MKI67: variants seen among roughly 807,000 people sequenced by gnomAD.
MKI67 encodes proliferation marker protein Ki-67.
A neutral mutation model predicts 233.5 loss-of-function variants in MKI67; 152 were observed. The ratio of observed to expected loss-of-function variants is 0.65; its 90% CI spans 0.57 to 0.74. The LOEUF (loss-of-function observed/expected upper bound fraction) is 0.74. Ranked by LOEUF, MKI67 falls within the 30% of genes least tolerant of loss-of-function variation. The probability of loss-of-function intolerance (pLI) is 0.00; values close to 1 mark genes in which losing one functional copy is unlikely to be tolerated. For synonymous variants in MKI67, 1,465 were observed against 1,418.5 expected (o/e 1.03, Z -0.74); for missense variants, 3,940 against 3,885.2 (o/e 1.01, Z -0.37).
rs768327792 is a variant in MKI67, at chr10:128,104,891, C to G, written c.6949G>C (p.Ala2317Pro). ...GTCTGGAAGAGCTCTTTGAAGCCAG[C>G]CAGGTCTTCTAGAGCCTGGGCCTTT... ...KEKAQALEDL[A>P]GFKELFQTPG... Residue 2317 changes from alanine to proline, a missense_variant, in exon 13 of 15, where the codon GCT becomes CCT. Coordinates refer to ENST00000368654, the MANE Select transcript of MKI67 (RefSeq NM_002417.5). The G allele has an allele frequency of 6.2e-7, 1 of 1,611,736 alleles. No homozygotes were observed. The highest frequency in any genetic ancestry group is 1.7e-5 in the Admixed American group (1 of 59,736).
Position 128,104,814 on chromosome 10 carries a change from G to C in MKI67, c.7026C>G (p.Cys2342Trp). 1 of 1,613,586 alleles carries C rather than the reference G, an allele frequency of 6.2e-7. No individual in the cohort carries two copies. The highest frequency in any genetic ancestry group is 1.7e-5 in the Admixed American group (1 of 59,948). Reference protein sequence around the residue: ...TTDEKTTKIACKSPQPDPVDT... With the variant: ...TTDEKTTKIAWKSPQPDPVDT... The stretch of plus-strand genomic sequence containing the variant: ...CCACTGGGTCTGGTTGTGGAGATTT[G>C]CAGGCTATTTTGGTAGTTTTCTCAT... The change falls in exon 13 of 15, where the codon TGC becomes TGG. Residue 2342 changes from cysteine to tryptophan, a missense_variant. Physicochemically the swap from Cys to Trp is radical, Grantham distance 215. Transcript: ENST00000368654.
In MKI67 at chr10:128,106,941, G is replaced by C. The variant is rs1852514217; in HGVS notation, c.4899C>G (p.Leu1633=). Residue 1633 remains leucine, a synonymous_variant, in exon 13 of 15, where the codon CTC becomes CTG. Transcript: ENST00000368654. ...CGCCCACTTTCCCCAGGGATGTCTT[G>C]AGCCGTCGCTTGGAGCTTGCTGGGT... ...DKNPASSKRR[L]KTSLGKVGVK... The C allele has an allele frequency of 1.2e-6, 2 of 1,614,044 alleles. No homozygotes were observed. The highest frequency in any genetic ancestry group is 1.3e-5 in the African/African-American group (1 of 74,890).
In MKI67 at chr10:128,107,995, A is replaced by C; in HGVS notation, c.3845T>G (p.Leu1282Arg). Residue 1282 changes from leucine (L) to arginine (R), a missense_variant, in exon 13 of 15, where the codon CTC (leucine) becomes CGC (arginine). Coordinates refer to ENST00000368654, the MANE Select transcript of MKI67 (RefSeq NM_002417.5). Reference sequence around the variant, plus strand: ...TGGCATTAGATTCCTGCACGCTAAGAGTTCTCCCTCTACATCTGCTTTCCT... The same window carrying C: ...TGGCATTAGATTCCTGCACGCTAAGCGTTCTCCCTCTACATCTGCTTTCCT... ...SIRKADVEGE[L>R]LACRNLMPSA... 1 of 1,613,404 alleles carries C rather than the reference A, an allele frequency of 6.2e-7. No individual in the cohort carries two copies. Among genetic ancestry groups the C allele is most frequent in the Non-Finnish European group, 8.5e-7 (1 of 1,179,906 alleles).
chr10:128,111,533 T>TGG, intron 11 of MKI67, 112 bp downstream of exon 11: 2 of 999,052 alleles, frequency 2.0e-6, no homozygotes, highest in Non-Finnish European at 2.9e-6. Flanking sequence ...GATTGAGTCG[T>TGG]TTATTTTATA....
chr10:128,111,845 G>A (rs757035773), intron 10 of MKI67, 29 bp from the exon 11 acceptor site: 1 of 1,610,666 alleles, frequency 6.2e-7, no homozygotes, highest in Non-Finnish European at 8.5e-7. Context: ...AGGTAAACAG[G>A]ACATTAAAGC....
intron 4 of MKI67, among the ~76,000 whole-genome samples, chr10:128,119,883 A>G (rs936800335): frequency 6.6e-5 from 10 of 152,226 alleles, no homozygotes; most frequent in Non-Finnish European, 1.5e-4. Context: ...TAAGAAGATC[A>G]CCTTTAGCAA....
At chr10:128,110,348 A>G (rs771446523) in intron 12 of MKI67, 30 bp downstream of exon 12, 1 of 1,510,254 alleles carries the variant, frequency 6.6e-7, no homozygotes, top group Non-Finnish European at 9.0e-7. Context: ...ATCCCAAAAC[A>G]TCACAGTGTT....
chr10:128,110,434 T>A lies in MKI67; in HGVS notation c.2360A>T (p.Gln787Leu). Residue 787 changes from glutamine (Q) to leucine (L), a missense_variant, in exon 12 of 15, where the codon CAG becomes CTG. By Grantham distance (113) the Gln-to-Leu change is moderately radical. Coordinates refer to ENST00000368654, the MANE Select transcript of MKI67 (RefSeq NM_002417.5). ...TTCTCCTGAATCAGTTCCTTGAAACTGTTTTCCAAGCAAATTCTCTGAATT... is the reference window on the plus strand; with the variant it reads ...TTCTCCTGAATCAGTTCCTTGAAACAGTTTTCCAAGCAAATTCTCTGAATT... ...ISNSENLLGK[Q>L]FQGTDSGEEP... 2 of 1,590,198 alleles carry A rather than the reference T, an allele frequency of 1.3e-6. No individual in the cohort carries two copies. Among genetic ancestry groups the A allele is most frequent in the Non-Finnish European group, 1.7e-6 (2 of 1,160,876 alleles).
chr10:128,116,602 G>T, intron 5 of MKI67, 66 bp from the exon 6 acceptor site: 1 of 1,426,018 alleles, frequency 7.0e-7, no homozygotes. Context: ...TCACAACAGT[G>T]AAAATATTAT....
rs200474504 is a variant in MKI67, at chr10:128,107,686, G to T, written c.4154C>A (p.Thr1385Lys). 1 of 1,613,950 alleles carries T rather than the reference G, an allele frequency of 6.2e-7. No homozygotes were observed. The highest frequency in any genetic ancestry group is 1.3e-5 in the African/African-American group (1 of 74,948). Residue 1385 changes from threonine (T) to lysine (K), a missense_variant, in exon 13 of 15, where the codon ACA (threonine) becomes AAA (lysine). Coordinates refer to ENST00000368654, the MANE Select transcript of MKI67 (RefSeq NM_002417.5). ...SSPPESADTP[T>K]STRRQPKTPL... ...TGTCTTGGGCTGCCTTCTTGTGCTT[G>T]TTGGGGTGTCTGCTGATTCTGGTGG...
At position 128,109,369 on chromosome 10, in the gene MKI67, C is replaced by A; in HGVS notation, c.2471G>T (p.Cys824Phe). ...QNAAKQPSDK[C>F]SASPPLRRQC... ...CCGTCTTAAGGGAGGGCTTGCAGAG[C>A]ATTTATCAGATGGCTGTTTTGCTGC... Residue 824 changes from cysteine (C) to phenylalanine (F), a missense_variant, in exon 13 of 15, where the codon TGC (cysteine) becomes TTC (phenylalanine). By Grantham distance (205) the Cys-to-Phe change is radical. Transcript: ENST00000368654. 1 of 1,614,150 alleles carries A rather than the reference C, an allele frequency of 6.2e-7. No homozygotes were observed. The highest frequency in any genetic ancestry group is 8.5e-7 in the Non-Finnish European group (1 of 1,180,004).
At chr10:128,109,535 G>A in intron 12 of MKI67, 112 bp from the exon 13 acceptor site, 1 of 1,150,490 alleles carries the variant, frequency 8.7e-7, no homozygotes, top group East Asian at 2.5e-5. Flanking sequence ...CGTATTCACT[G>A]AACGACATGA....
chr10:128,124,409 T>C (rs1853014180), intron 2 of MKI67, among the ~76,000 whole-genome samples: 1 of 152,184 alleles, frequency 6.6e-6, no homozygotes, highest in Admixed American at 6.5e-5. Flanking sequence ...ATGCCCACCC[T>C]GACCTCTCCT....
rs1852456320 is a variant in MKI67, at chr10:128,105,310, C to T, written c.6530G>A (p.Ser2177Asn). Residue 2177 changes from serine to asparagine, a missense_variant, in exon 13 of 15, where the codon AGC becomes AAC. Coordinates refer to ENST00000368654, the MANE Select transcript of MKI67 (RefSeq NM_002417.5). The stretch of plus-strand genomic sequence containing the variant: ...CTTAGGAGTTCTTGGCTGCCTCTTG[C>T]TACCAGTTACACTTGCTGCTGGGTC... ...KLDPAASVTG[S>N]KRQPRTPKGK... The T allele has an allele frequency of 3.7e-6, 6 of 1,614,002 alleles. No individual in the cohort carries two copies. Among genetic ancestry groups the T allele is most frequent in the Non-Finnish European group, 3.4e-6 (4 of 1,180,038 alleles).
intron 4 of MKI67, among the ~76,000 whole-genome samples, chr10:128,121,399 T>C (rs1429483702): frequency 1.4e-5 from 2 of 143,188 alleles, no homozygotes; most frequent in East Asian, 1.9e-4. Context: ...ATATATTGTA[T>C]ATATATTGTA....
Position 128,104,561 on chromosome 10 carries a change from G to C in MKI67, c.7279C>G (p.Pro2427Ala). 6.2e-7 allele frequency: 1 copy of C among 1,614,098 alleles called. No homozygotes were observed. Among genetic ancestry groups the C allele is most frequent in the Non-Finnish European group, 8.5e-7 (1 of 1,180,014 alleles). Reference sequence around the variant, plus strand: ...TCTAGAGCCTCAGCCTTTTCCTTAGGAGTCTGTGGCTGTCTCTTGCTGCCA... The same window carrying C: ...TCTAGAGCCTCAGCCTTTTCCTTAGCAGTCTGTGGCTGTCTCTTGCTGCCA... Reference protein sequence around the residue: ...LPGSKRQPQTPKEKAEALEDL... With the variant: ...LPGSKRQPQTAKEKAEALEDL... The change falls in exon 13 of 15, where the codon CCT (proline) becomes GCT (alanine). Residue 2427 changes from proline (P) to alanine (A), a missense_variant. By Grantham distance (27) the Pro-to-Ala change is conservative. Coordinates refer to ENST00000368654, the MANE Select transcript of MKI67 (RefSeq NM_002417.5).
chr10:128,102,224 G>T (rs1429456648), intron 13 of MKI67, among the ~76,000 whole-genome samples: 4 of 152,148 alleles, frequency 2.6e-5, no homozygotes, highest in Admixed American at 1.3e-4. Flanking sequence ...ACATAGATAG[G>T]ATTTTTAACC....
chr10:128,116,157 G>C, intron 6 of MKI67, 150 bp from the exon 7 acceptor site: 1 of 841,730 alleles, frequency 1.2e-6, no homozygotes, highest in South Asian at 1.8e-5. Flanking sequence ...AAACTTGCAA[G>C]TCTTATGATA....
At position 128,113,479 on chromosome 10, in the gene MKI67, T is replaced by C. The variant is rs369177953; in HGVS notation, c.1604A>G (p.Lys535Arg). The change falls in exon 8 of 15, where the codon AAA (lysine) becomes AGA (arginine). Residue 535 changes from lysine (K) to arginine (R), a missense_variant. Physicochemically the swap from Lys to Arg is conservative, Grantham distance 26. Transcript: ENST00000368654. Reference sequence around the variant, plus strand: ...AGTGTGCATTACCAGAGACTTTCTTTTGGTTGGGGCTTCTCCCCTTTTGAG... The same window carrying C: ...AGTGTGCATTACCAGAGACTTTCTTCTGGTTGGGGCTTCTCCCCTTTTGAG... ...TPLKRGEAPT[K>R]RKSLVMHTPP... is the part of the protein sequence containing the mutation. 2.0e-5 allele frequency: 32 copies of C among 1,614,058 alleles called. No homozygotes were observed. In the East Asian group the frequency reaches 6.5e-4, roughly 33 times the overall value.
Sources: gnomAD v4.1 joint callset for allele counts (sites outside exome capture counted in the v4.1 genomes callset) on GRCh38, gnomAD v4.1.1 for gene constraint, MANE v1.5 for transcripts, NCBI Gene and HGNC (gene_info 2026-07-23, HGNC 2026-07-21) for gene names.